Variants in PTPRS observed in about 807,000 individuals in gnomAD.
PTPRS encodes protein tyrosine phosphatase receptor type S.
PTPRS carries 63 observed loss-of-function variants against 215.3 expected under a neutral mutation model. The ratio of observed to expected loss-of-function variants is 0.29; its 90% CI spans 0.24 to 0.36. The LOEUF (loss-of-function observed/expected upper bound fraction) is 0.36, where lower values mean the gene tolerates loss of function less well. PTPRS is among the 10% of genes least tolerant of loss of function. PTPRS has a pLI of 1.00. For synonymous variants in PTPRS, 1,404 were observed against 1,191.4 expected (o/e 1.18, Z -3.68); for missense variants, 2,258 against 2,825.8 (o/e 0.80, Z 4.56).
intron 1 of PTPRS, among the ~76,000 whole-genome samples, chr19:5,291,756 C>G (rs936668892): frequency 6.6e-6 from 1 of 151,966 alleles, no homozygotes; most frequent in Non-Finnish European, 1.5e-5. Flanking sequence ...CCAAGCTGAG[C>G]CCCGTTCCTC....
At chr19:5,297,695 A>G (rs73922004) in intron 1 of PTPRS, among the ~76,000 whole-genome samples, 26,883 of 152,144 alleles carry the variant, frequency 0.18, 2,626 homozygotes, top group Admixed American at 0.29. Context: ...CAAATCAGAC[A>G]TACAAACACC....
Position 5,222,973 on chromosome 19 carries a change from T to C in PTPRS, c.2819A>G (p.Asn940Ser). ...GHPQILEAAG[N>S]ASAGTVLLRW... Reference sequence around the variant, plus strand: ...GAGAAGGACGGTCCCGGCCGAGGCGTTGCCGGCCGCCTCCAGAATCTGCGG... The same window carrying C: ...GAGAAGGACGGTCCCGGCCGAGGCGCTGCCGGCCGCCTCCAGAATCTGCGG... The change falls in exon 18 of 38, where the codon AAC becomes AGC. Residue 940 changes from asparagine to serine, a missense_variant. By Grantham distance (46) the Asn-to-Ser change is conservative (BLOSUM62 1). This residue lies in a region of PTPRS where 361 missense variants were observed against 332.6 expected (regional missense o/e 1.09). Coordinates refer to ENST00000262963, the MANE Select transcript of PTPRS (RefSeq NM_002850.4). The C allele has an allele frequency of 6.5e-7, 1 of 1,541,536 alleles. No homozygotes were observed. The highest frequency in any genetic ancestry group is 8.7e-7 in the Non-Finnish European group (1 of 1,148,300).
In PTPRS at chr19:5,214,546, G is replaced by C; in HGVS notation, c.4494+15C>G. On this transcript the variant is annotated intron_variant, in intron 29 of 37. Transcript: ENST00000262963. ...GACTGGCAGGGGCTTGAGGGCCGTG[G>C]GGTCCAAGGCTCACCCGTGACTTCT... 1 of 1,612,124 alleles carries C rather than the reference G, an allele frequency of 6.2e-7. No homozygotes were observed. The highest frequency in any genetic ancestry group is 8.5e-7 in the Non-Finnish European group (1 of 1,178,778).
chr19:5,300,422 G>C (rs562583939), intron 1 of PTPRS, among the ~76,000 whole-genome samples: 10 of 152,206 alleles, frequency 6.6e-5, no homozygotes, highest in African/African-American at 2.4e-4. Flanking sequence ...GGCCAGGTCA[G>C]TCTTGGTCAC....
chr19:5,273,839 G>A (rs1338972755), intron 3 of PTPRS, among the ~76,000 whole-genome samples: 1 of 152,170 alleles, frequency 6.6e-6, no homozygotes, highest in East Asian at 1.9e-4. Flanking sequence ...ATGTCTGCAA[G>A]CCCATGTGAC....
At chr19:5,234,075 A>G (rs1374701918) in intron 13 of PTPRS, among the ~76,000 whole-genome samples, 4 of 151,802 alleles carry the variant, frequency 2.6e-5, no homozygotes, top group African/African-American at 9.7e-5. Context: ...GCTTCATACA[A>G]TAACAGCAAA....
chr19:5,219,936 T>C lies in PTPRS; in HGVS notation c.3765+3A>G. Reference sequence around the variant, plus strand: ...ATGTGGGCGGACACCATTCAGGACTTACAGGCTCGCTCTTCTGAAGCACGG... The same window carrying C: ...ATGTGGGCGGACACCATTCAGGACTCACAGGCTCGCTCTTCTGAAGCACGG... On this transcript the variant is annotated splice_donor_region_variant and intron_variant, in intron 22 of 37. Transcript: ENST00000262963. 6.2e-7 allele frequency: 1 copy of C among 1,613,412 alleles called. No individual in the cohort carries two copies. The highest frequency in any genetic ancestry group is 1.1e-5 in the South Asian group (1 of 91,060).
At chr19:5,328,910 C>G (rs2050241217) in intron 1 of PTPRS, among the ~76,000 whole-genome samples, 1 of 152,122 alleles carries the variant, frequency 6.6e-6, no homozygotes, top group African/African-American at 2.4e-5. Flanking sequence ...TGTGAGCTGC[C>G]GAGGCAGGGC....
At chr19:5,313,968 AAT>A in intron 1 of PTPRS, among the ~76,000 whole-genome samples, 1 of 116,108 alleles carries the variant, frequency 8.6e-6, no homozygotes, top group Non-Finnish European at 1.8e-5. Context: ...TAATAATAAT[AAT>A]AAATAAAAGT....
In PTPRS at chr19:5,210,851, G is replaced by A. The variant is rs756106090; in HGVS notation, c.5235-46C>T. The stretch of plus-strand genomic sequence containing the variant: ...AGCCCAGGGCCGGCAGGGAGACCCG[G>A]CGTGGTACTCACCTGATGCTGCCCG... On this transcript the variant is annotated intron_variant, in intron 33 of 37. Transcript: ENST00000262963. The surrounding 1 kb of genome is among the most constrained non-coding windows in gnomAD (Gnocchi z 4.5). 6.3e-7 allele frequency: 1 copy of A among 1,594,466 alleles called. No homozygotes were observed. Among genetic ancestry groups the A allele is most frequent in the Non-Finnish European group, 8.5e-7 (1 of 1,173,520 alleles).
At chr19:5,211,218 C>T (rs184154588) in intron 33 of PTPRS, among the ~76,000 whole-genome samples, 136 of 152,256 alleles carry the variant, frequency 8.9e-4, no homozygotes, top group African/African-American at 2.8e-3. Flanking sequence ...TGACATTTGG[C>T]GCTGGATTGT....
At position 5,257,951 on chromosome 19, in the gene PTPRS, C is replaced by A. The variant is rs541776988; in HGVS notation, c.706+66G>T. On this transcript the variant is annotated intron_variant, in intron 8 of 37. Transcript: ENST00000262963. This position sits in a 1 kb window ranked among gnomAD's most constrained non-coding sequence, Gnocchi z 4.4. The stretch of plus-strand genomic sequence containing the variant: ...GACGGGGGAGCCCGGAGGCGGTGAG[C>A]CCGAGGAGGGAGGGGGATGGGACGG... 2 of 1,402,342 alleles carry A rather than the reference C, an allele frequency of 1.4e-6. No homozygotes were observed. Among genetic ancestry groups the A allele is most frequent in the South Asian group, 2.5e-5 (2 of 80,778 alleles). The allele number at this position is 1,402,342 out of a possible 1,614,324, so 86.9% of individuals were successfully genotyped here.
chr19:5,307,533 G>C (rs535788239), intron 1 of PTPRS, among the ~76,000 whole-genome samples: 1 of 152,156 alleles, frequency 6.6e-6, no homozygotes, highest in East Asian at 1.9e-4. Context: ...AAGAAAACAA[G>C]GTACAGAACA....
In PTPRS at chr19:5,338,172, C is replaced by A. The variant is rs1161340456; in HGVS notation, c.-95+2492G>T. Among the ~76,000 whole-genome samples, 2 of 152,216 alleles carry A rather than the reference C, an allele frequency of 1.3e-5. No homozygotes were observed. Among genetic ancestry groups the A allele is most frequent in the Non-Finnish European group, 2.9e-5 (2 of 68,030 alleles). ...CATCTCTGGACGGCCACTGACAGTA[C>A]CAGTCTCTGTCACCCCCTGGGGGGT... On this transcript the variant is annotated intron_variant, in intron 1 of 37. Transcript: ENST00000262963. This position sits in a 1 kb window ranked among gnomAD's most constrained non-coding sequence, Gnocchi z 4.2.
intron 1 of PTPRS, among the ~76,000 whole-genome samples, chr19:5,318,904 C>T (rs1237218412): frequency 6.6e-6 from 1 of 152,196 alleles, no homozygotes; most frequent in Non-Finnish European, 1.5e-5. Flanking sequence ...GTGAGAGGCC[C>T]ACACTGCAAT....
Position 5,305,896 on chromosome 19 carries a change from C to T in PTPRS, c.-94-19662G>A, listed in dbSNP as rs540489543. ...CGGAGGTTGCAGTAAGCCGAGATCG[C>T]GCCACTGCACTCCAGCCTGGGCGAC... On this transcript the variant is annotated intron_variant, in intron 1 of 37. Coordinates refer to ENST00000262963, the MANE Select transcript of PTPRS (RefSeq NM_002850.4). Among the ~76,000 whole-genome samples the T allele has an allele frequency of 3.0e-3, 334 of 110,088 alleles. 1 individual carries two copies. The highest frequency in any genetic ancestry group is 0.012 in the African/African-American group (329 of 28,476). The allele number at this position is 110,088 out of a possible 152,430, so 72.2% of individuals were successfully genotyped here. A position where few individuals can be genotyped will look rare whatever the true frequency, so the allele number is the denominator to read the frequency against.
In PTPRS at chr19:5,244,513, T is replaced by G. The variant is rs1420329333; in HGVS notation, c.989-31A>C. 6.3e-7 allele frequency: 1 copy of G among 1,575,698 alleles called. No homozygotes were observed. The highest frequency in any genetic ancestry group is 1.1e-5 in the South Asian group (1 of 87,832). On this transcript the variant is annotated intron_variant, in intron 10 of 37. Transcript: ENST00000262963. This position sits in a 1 kb window ranked among gnomAD's most constrained non-coding sequence, Gnocchi z 7.2. ...GGCAGGAGGCAGCTGTGTCACGCAT[T>G]GGGCACATTGGTTGAGGACCCTGAA...
chr19:5,302,193 C>T (rs954632226), intron 1 of PTPRS, among the ~76,000 whole-genome samples: 2 of 151,782 alleles, frequency 1.3e-5, no homozygotes, highest in East Asian at 1.9e-4. Flanking sequence ...GAGAGACCCC[C>T]GTCTCTAAAA....
intron 6 of PTPRS, 127 bp downstream of exon 6, chr19:5,262,837 C>T: frequency 2.8e-6 from 3 of 1,055,182 alleles, no homozygotes; most frequent in Non-Finnish European, 4.2e-6. Context: ...CGTTAGTAAA[C>T]ATACCAGGCA....
Sources: allele counts gnomAD v4.1 joint callset (sites outside exome capture counted in the v4.1 genomes callset), GRCh38; gene constraint gnomAD v4.1.1; regional missense constraint gnomAD v4.1.1; non-coding constraint Gnocchi (gnomAD v3.1); transcripts MANE v1.5; gene names NCBI Gene and HGNC (gene_info 2026-07-23, HGNC 2026-07-21).